SNPH: variants seen among roughly 807,000 people sequenced by gnomAD.
The protein encoded by SNPH is syntaphilin.
In SNPH, 10 loss-of-function variants were observed where a neutral mutation model predicts 36.8. The ratio of observed to expected loss-of-function variants is 0.27; its 90% CI spans 0.17 to 0.46. The LOEUF is 0.46. SNPH is among the 20% of genes least tolerant of loss of function. SNPH has a pLI of 1.00. For synonymous variants in SNPH, 281 were observed against 312.2 expected (o/e 0.90, Z 1.05); for missense variants, 622 against 744.0 (o/e 0.84, Z 1.91).
rs113228041 is a variant in SNPH, at chr20:1,267,586, G to C, written c.-493+826G>C. Among the ~76,000 whole-genome samples the C allele has an allele frequency of 6.6e-3, 1,002 of 152,324 alleles. 15 individuals carry two copies. Among genetic ancestry groups the C allele is most frequent in the African/African-American group, 0.022 (927 of 41,554 alleles). On this transcript the variant is annotated intron_variant, in intron 2 of 6. Coordinates refer to ENST00000381867, the MANE Select transcript of SNPH (RefSeq NM_001318234.2). The stretch of plus-strand genomic sequence containing the variant: ...AAGTAGCCATTTTAAAATTCTCTAG[G>C]CGTGGGTGTCTGTCTGCTCATCTGT...
chr20:1,296,470 G>A (rs1353709521), intron 4 of SNPH, 49 bp downstream of exon 4: 5 of 1,508,454 alleles, frequency 3.3e-6, no homozygotes, highest in Non-Finnish European at 4.5e-6. Context: ...GCGGGAGGAG[G>A]GCGCACGGGC....
At chr20:1,268,998 G>T (rs1034644595) in intron 2 of SNPH, among the ~76,000 whole-genome samples, 4 of 152,170 alleles carry the variant, frequency 2.6e-5, no homozygotes, top group Admixed American at 1.3e-4. Flanking sequence ...TCCAGATGGT[G>T]CCAGCTGGTG....
chr20:1,272,651 G>A (rs1375840495), intron 2 of SNPH, among the ~76,000 whole-genome samples: 1 of 152,254 alleles, frequency 6.6e-6, no homozygotes, highest in Non-Finnish European at 1.5e-5. Context: ...AGTTTTAGAT[G>A]CTGGGCACAT....
chr20:1,304,335 T>C lies in SNPH; in HGVS notation c.441-543T>C, dbSNP rs999466425. 2.6e-5 allele frequency among the ~76,000 whole-genome samples: 4 copies of C among 152,242 alleles called. No individual in the cohort carries two copies. Among genetic ancestry groups the C allele is most frequent in the East Asian group, 1.9e-4 (1 of 5,178 alleles). On this transcript the variant is annotated intron_variant, in intron 6 of 6. Transcript: ENST00000381867. The surrounding 1 kb of genome is among the most constrained non-coding windows in gnomAD (Gnocchi z 4.3). ...GTAAAATCATCAGCCTCCCCCAACA[T>C]TGAAAGCTGTCATTTCTCTCCCCTG...
At position 1,266,831 on chromosome 20, in the gene SNPH, C is replaced by T. The variant is rs1327432021; in HGVS notation, c.-493+71C>T. ...GCGGCAGGTGGGGGCCGCTTGCAACCGCTCGCTGCGGTAGAATCCCTTGGA... is the reference window on the plus strand; with the variant it reads ...GCGGCAGGTGGGGGCCGCTTGCAACTGCTCGCTGCGGTAGAATCCCTTGGA... On this transcript the variant is annotated intron_variant, in intron 2 of 6. Coordinates refer to ENST00000381867, the MANE Select transcript of SNPH (RefSeq NM_001318234.2). The surrounding 1 kb of genome is among the most constrained non-coding windows in gnomAD (Gnocchi z 6.0). 1 of 1,303,410 alleles carries T rather than the reference C, an allele frequency of 7.7e-7. No individual in the cohort carries two copies. Among genetic ancestry groups the T allele is most frequent in the Non-Finnish European group, 9.7e-7 (1 of 1,026,396 alleles). The allele number at this position is 1,303,410 out of a possible 1,614,324, so 80.7% of individuals were successfully genotyped here. A position where few individuals can be genotyped will look rare whatever the true frequency, so the allele number is the denominator to read the frequency against.
chr20:1,288,619 C>CTTTTTTTTTTTTTTTTTTTTTTTT (rs201764007), intron 2 of SNPH, among the ~76,000 whole-genome samples: 1 of 140,784 alleles, frequency 7.1e-6, no homozygotes, highest in South Asian at 2.3e-4. Flanking sequence ...ATTTCTTTTT[C>CTTTTTTTTTTTTTTTTTTTTTTTT]TTTTTTTCTT....
intron 2 of SNPH, among the ~76,000 whole-genome samples, chr20:1,275,087 C>T (rs2099958680): frequency 6.6e-6 from 1 of 152,172 alleles, no homozygotes; most frequent in Admixed American, 6.5e-5. Flanking sequence ...GGCTCAGAGC[C>T]AAAGGGGGAG....
At position 1,308,027 on chromosome 20, in the gene SNPH, A is replaced by G. The variant is rs905689336; in HGVS notation, c.*1973A>G. 1.3e-5 allele frequency: 2 copies of G among 152,696 alleles called. No individual in the cohort carries two copies. The highest frequency in any genetic ancestry group is 2.9e-5 in the Non-Finnish European group (2 of 68,082). The allele number at this position is 152,696 out of a possible 1,614,324, so 9.5% of individuals were successfully genotyped here. A position where few individuals can be genotyped will look rare whatever the true frequency, so the allele number is the denominator to read the frequency against. On this transcript the variant is annotated 3_prime_UTR_variant, in exon 7 of 7. Transcript: ENST00000381867. ...AAAGCTTTGCCGAGAAAAGAAATGT[A>G]TGAACTATATTTGACAACATAAAAT...
intron 5 of SNPH, among the ~76,000 whole-genome samples, chr20:1,298,790 A>AT (rs200421186): frequency 0.01 from 1,248 of 121,746 alleles, 5 homozygotes; most frequent in Non-Finnish European, 0.013. Flanking sequence ...GTCACAGCGT[A>AT]TTTTTTTTCT....
intron 2 of SNPH, among the ~76,000 whole-genome samples, chr20:1,293,351 G>A (rs1055801092): frequency 6.6e-6 from 1 of 152,140 alleles, no homozygotes; most frequent in Non-Finnish European, 1.5e-5. Flanking sequence ...TGAGGGCAGG[G>A]GCTGGGTTTA....
intron 2 of SNPH, among the ~76,000 whole-genome samples, chr20:1,288,961 C>G (rs2088317932): frequency 6.6e-6 from 1 of 152,122 alleles, no homozygotes; most frequent in South Asian, 2.1e-4. Flanking sequence ...GTATGCTTAC[C>G]TCTTATGTCT....
chr20:1,288,438 A>T (rs1023194375), intron 2 of SNPH, among the ~76,000 whole-genome samples: 1 of 151,976 alleles, frequency 6.6e-6, no homozygotes, highest in Admixed American at 6.6e-5. Context: ...AGAGGAGCTG[A>T]GGGTCTCTCA....
chr20:1,292,695 T>G lies in SNPH; in HGVS notation c.-492-2256T>G, dbSNP rs537972654. Among the ~76,000 whole-genome samples, 4 of 152,344 alleles carry G rather than the reference T, an allele frequency of 2.6e-5. No individual in the cohort carries two copies. In the East Asian group the frequency reaches 7.7e-4, roughly 29 times the overall value. ...AGATCCTGGCTTAAGTGGCTCTGTG[T>G]GGCCTGCCCCCCTCCTTCTGCAGCC... On this transcript the variant is annotated intron_variant, in intron 2 of 6. Transcript: ENST00000381867.
intron 2 of SNPH, among the ~76,000 whole-genome samples, chr20:1,284,980 G>C (rs2088268159): frequency 6.6e-6 from 1 of 152,190 alleles, no homozygotes; most frequent in South Asian, 2.1e-4. Context: ...CCAGGAGAGA[G>C]ATGGTGGCTT....
intron 5 of SNPH, among the ~76,000 whole-genome samples, chr20:1,298,805 T>TGTGTGTGTGTGTGC (rs2088470857): frequency 2.8e-3 from 2 of 720 alleles, no homozygotes; most frequent in African/African-American, 4.4e-3. Flanking sequence ...TTTTCTAATT[T>TGTGTGTGTGTGTGC]GTGTGTGTGT....
At position 1,304,187 on chromosome 20, in the gene SNPH, T is replaced by C. The variant is rs1286196069; in HGVS notation, c.441-691T>C. Among the ~76,000 whole-genome samples, 1 of 152,094 alleles carries C rather than the reference T, an allele frequency of 6.6e-6. No individual in the cohort carries two copies. The highest frequency in any genetic ancestry group is 2.4e-5 in the African/African-American group (1 of 41,396). On this transcript the variant is annotated intron_variant, in intron 6 of 6. Transcript: ENST00000381867. The surrounding 1 kb of genome is among the most constrained non-coding windows in gnomAD (Gnocchi z 4.3). ...TCTTTTCAGCTTTTCCTCTTTAAGA[T>C]ACAAGATACAAGGAGATACAAAGAT... is the stretch of plus-strand genomic sequence containing the variant.
chr20:1,282,306 G>A (rs1473033386), intron 2 of SNPH, among the ~76,000 whole-genome samples: 1 of 152,160 alleles, frequency 6.6e-6, no homozygotes, highest in Non-Finnish European at 1.5e-5. Flanking sequence ...TTGATAGAAA[G>A]TCTAAATGTT....
At position 1,300,692 on chromosome 20, in the gene SNPH, C is replaced by G. The variant is rs1360829502; in HGVS notation, c.421C>G (p.Gln141Glu). ...CCTGAAAGCCCGGCTGAAGGACACACAGGACCGGCTCCAGGACCGGTGAGC... is the reference window on the plus strand; with the variant it reads ...CCTGAAAGCCCGGCTGAAGGACACAGAGGACCGGCTCCAGGACCGGTGAGC... ...RHLKARLKDT[Q>E]DRLQDRDTEI... Residue 141 changes from glutamine (Q) to glutamate (E), a missense_variant, in exon 6 of 7, where the codon CAG becomes GAG. Gln to Glu is a conservative substitution (Grantham distance 29). This residue lies in a region of SNPH where 187 missense variants were observed against 209.4 expected (regional missense o/e 0.89). Transcript: ENST00000381867. The G allele has an allele frequency of 1.9e-6, 3 of 1,611,910 alleles. No individual in the cohort carries two copies. Among genetic ancestry groups the G allele is most frequent in the Non-Finnish European group, 2.5e-6 (3 of 1,179,854 alleles).
Position 1,296,147 on chromosome 20 carries a change from G to A in SNPH, c.-93G>A. 9.1e-7 allele frequency: 1 copy of A among 1,101,248 alleles called. No individual in the cohort carries two copies. The allele number at this position is 1,101,248 out of a possible 1,614,324, so 68.2% of individuals were successfully genotyped here. A position where few individuals can be genotyped will look rare whatever the true frequency, so the allele number is the denominator to read the frequency against. On this transcript the variant is annotated 5_prime_UTR_variant, in exon 4 of 7. Coordinates refer to ENST00000381867, the MANE Select transcript of SNPH (RefSeq NM_001318234.2). ...TTTAAGTTGGGTGGTGGGAACCTGT[G>A]CACCAGCCCTATTCAATTCACTGGT... is the stretch of plus-strand genomic sequence containing the variant.
Sources: gnomAD v4.1 joint callset for allele counts (sites outside exome capture counted in the v4.1 genomes callset) on GRCh38, gnomAD v4.1.1 for gene constraint, gnomAD v4.1.1 regional missense constraint, Gnocchi (gnomAD v3.1) non-coding constraint, MANE v1.5 for transcripts, NCBI Gene and HGNC (gene_info 2026-07-23, HGNC 2026-07-21) for gene names.